ABCA8: variants seen among roughly 807,000 people sequenced by gnomAD.
The protein encoded by ABCA8 is ABC-type organic anion transporter ABCA8.
In ABCA8, 177 loss-of-function variants were observed where a neutral mutation model predicts 192.3. That is an observed-to-expected ratio of 0.92 (90% CI 0.81 to 1.04). The LOEUF is 1.04. Ranked by LOEUF, ABCA8 falls within the 50% of genes least tolerant of loss-of-function variation. ABCA8 has a pLI of 0.00. For missense variants in ABCA8, 1,915 were observed against 1,904.8 expected (o/e 1.01, Z -0.10); for synonymous variants, 642 against 690.2 (o/e 0.93, Z 1.09).
chr17:68,946,458 T>C (rs1207504405), intron 2 of ABCA8, among the ~76,000 whole-genome samples: 1 of 152,182 alleles, frequency 6.6e-6, no homozygotes. Flanking sequence ...CAATGGAATA[T>C]ATGCAGAAGA....
At chr17:68,906,586 T>G (rs1172691158) in intron 18 of ABCA8, among the ~76,000 whole-genome samples, 1 of 152,148 alleles carries the variant, frequency 6.6e-6, no homozygotes, top group African/African-American at 2.4e-5. Context: ...TTTTGAGAAT[T>G]AATTGGATGG....
chr17:68,946,659 C>A (rs1350205855), intron 2 of ABCA8, among the ~76,000 whole-genome samples: 1 of 152,114 alleles, frequency 6.6e-6, no homozygotes, highest in Admixed American at 6.6e-5. Flanking sequence ...ATTGTATTGG[C>A]CGGGCATGGT....
Position 68,918,341 on chromosome 17 carries a change from G to A in ABCA8, c.1908+86C>T, listed in dbSNP as rs1015650203. The stretch of plus-strand genomic sequence containing the variant: ...CTATTATGAATATTTTATAACACAT[G>A]TCCTTTGCGAATAAAATATTTGAAC... On this transcript the variant is annotated intron_variant, in intron 15 of 39. Coordinates refer to ENST00000586539, the MANE Select transcript of ABCA8 (RefSeq NM_001288985.2). 1.4e-4 allele frequency: 213 copies of A among 1,503,698 alleles called. 1 individual carries two copies. The highest frequency in any genetic ancestry group is 5.1e-4 in the Admixed American group (24 of 47,116). 93.1% of individuals were successfully genotyped at this position (1,503,698 alleles called of 1,614,324 possible).
At chr17:68,935,611 A>C (rs1481244715) in intron 5 of ABCA8, among the ~76,000 whole-genome samples, 2 of 135,572 alleles carry the variant, frequency 1.5e-5, no homozygotes, top group Non-Finnish European at 3.1e-5. Context: ...CACTTATGTT[A>C]ATTCTCTATC....
At position 68,891,525 on chromosome 17, in the gene ABCA8, T is replaced by A. The variant is rs772848610; in HGVS notation, c.3108A>T (p.Pro1036=). ...MFWLVLTSSC[P]PYIAMSSIDD... ...CGATGCTGCTCATGGCAATGTAAGGTGGGCAACTCGATGTTAAAACCAGCC... is the reference window on the plus strand; with the variant it reads ...CGATGCTGCTCATGGCAATGTAAGGAGGGCAACTCGATGTTAAAACCAGCC... The change falls in exon 24 of 40, where the codon CCA becomes CCT. Residue 1036 remains proline (P), a synonymous_variant. Transcript: ENST00000586539. 5.6e-6 allele frequency: 9 copies of A among 1,613,096 alleles called. No individual in the cohort carries two copies. The South Asian group carries it at 9.9e-5, about 18-fold the overall frequency.
chr17:68,935,639 T>C (rs1023906963), intron 5 of ABCA8, among the ~76,000 whole-genome samples: 4 of 149,388 alleles, frequency 2.7e-5, no homozygotes, highest in Non-Finnish European at 4.4e-5. Context: ...TTGTGAATAG[T>C]GCTGCAATAA....
intron 37 of ABCA8, among the ~76,000 whole-genome samples, chr17:68,870,409 G>A (rs1025110437): frequency 6.6e-6 from 1 of 152,198 alleles, no homozygotes; most frequent in African/African-American, 2.4e-5. Context: ...GGGTGATTCC[G>A]GCTGCAGGTT....
At chr17:68,912,005 C>T (rs2067237411) in intron 17 of ABCA8, among the ~76,000 whole-genome samples, 1 of 151,958 alleles carries the variant, frequency 6.6e-6, no homozygotes. Flanking sequence ...ACAAACAAGC[C>T]CAGACTGTGA....
At chr17:68,890,470 T>A (rs949545444) in intron 24 of ABCA8, among the ~76,000 whole-genome samples, 2 of 152,206 alleles carry the variant, frequency 1.3e-5, no homozygotes, top group African/African-American at 4.8e-5. Context: ...GTATAGTTAA[T>A]ATTTTTCTCC....
At position 68,949,773 on chromosome 17, in the gene ABCA8, A is replaced by T. The variant is rs146044977; in HGVS notation, c.-166-301T>A. Among the ~76,000 whole-genome samples, 340 of 152,338 alleles carry T rather than the reference A, an allele frequency of 2.2e-3. 2 individuals carry two copies. Among genetic ancestry groups the T allele is most frequent in the African/African-American group, 7.8e-3 (326 of 41,576 alleles). Reference sequence around the variant, plus strand: ...TCATGTTAAAACCTCTCAATAAACTAGGCATTGATGGAACATATCTCAAAA... The same window carrying T: ...TCATGTTAAAACCTCTCAATAAACTTGGCATTGATGGAACATATCTCAAAA... On this transcript the variant is annotated intron_variant, in intron 1 of 39. Coordinates refer to ENST00000586539, the MANE Select transcript of ABCA8 (RefSeq NM_001288985.2).
chr17:68,917,358 TA>T lies in ABCA8; in HGVS notation c.2138+2del, dbSNP rs1259674100. The T allele has an allele frequency of 6.2e-7, 1 of 1,603,698 alleles. No individual in the cohort carries two copies. The highest frequency in any genetic ancestry group is 1.3e-5 in the African/African-American group (1 of 74,620). The stretch of plus-strand genomic sequence containing the variant: ...TACTCCCAGCCTTCTTAAGTGACCT[TA>T]CCTTAAGTGATATCCAATCCCCCAT... On this transcript the variant is annotated splice_donor_variant, in intron 17 of 39. Coordinates refer to ENST00000586539, the MANE Select transcript of ABCA8 (RefSeq NM_001288985.2). LOFTEE classifies it high-confidence loss of function.
intron 17 of ABCA8, among the ~76,000 whole-genome samples, chr17:68,912,600 A>G (rs1352202123): frequency 6.6e-6 from 1 of 152,206 alleles, no homozygotes; most frequent in East Asian, 1.9e-4. Context: ...AGATATCTTT[A>G]TATTAGACAA....
chr17:68,887,934 G>GATATATATATATAT (rs1668580784), intron 24 of ABCA8, among the ~76,000 whole-genome samples: 1 of 57,736 alleles, frequency 1.7e-5, no homozygotes. Flanking sequence ...ATTATATATG[G>GATATATATATATAT]ATATATATAT....
intron 27 of ABCA8, 112 bp downstream of exon 27, chr17:68,885,084 T>G: frequency 7.8e-7 from 1 of 1,278,158 alleles, no homozygotes; most frequent in Non-Finnish European, 1.1e-6. Flanking sequence ...CAGGCAGAAA[T>G]CTTTGAACCC....
At chr17:68,908,296 C>T (rs1398882836) in intron 17 of ABCA8, among the ~76,000 whole-genome samples, 4 of 152,110 alleles carry the variant, frequency 2.6e-5, no homozygotes, top group Admixed American at 1.3e-4. Context: ...ATTGTTGTAT[C>T]GCTTCAAAGG....
intron 19 of ABCA8, among the ~76,000 whole-genome samples, chr17:68,904,040 C>T (rs1265905578): frequency 1.3e-5 from 2 of 151,860 alleles, no homozygotes; most frequent in Non-Finnish European, 2.9e-5. Flanking sequence ...AGCACACACC[C>T]GTAAATGTAT....
chr17:68,940,685 A>G (rs1188558527), intron 4 of ABCA8, 73 bp downstream of exon 4: 4 of 1,335,506 alleles, frequency 3.0e-6, no homozygotes, highest in Admixed American at 1.9e-5. Context: ...ATACAAATTA[A>G]ATGTATAAAT....
rs2066772886 is a variant in ABCA8 at position 68,896,793 on chromosome 17, A to C, written c.2765-1780T>G. 2.0e-5 allele frequency among the ~76,000 whole-genome samples: 3 copies of C among 152,190 alleles called. No individual in the cohort carries two copies. In the South Asian group the frequency reaches 6.2e-4, roughly 32 times the overall value. On this transcript the variant is annotated intron_variant, in intron 21 of 39. Coordinates refer to ENST00000586539, the MANE Select transcript of ABCA8 (RefSeq NM_001288985.2). ...GGTGAAAGTTATTGACTTAATAAGG[A>C]AACAATAAAAAAATTGTATGCTGAG...
At chr17:68,925,414 C>A (rs1159673877) in intron 10 of ABCA8, among the ~76,000 whole-genome samples, 1 of 152,116 alleles carries the variant, frequency 6.6e-6, no homozygotes, top group Non-Finnish European at 1.5e-5. Flanking sequence ...ATTTCATTCC[C>A]AAACCATAAT....
Sources: allele counts gnomAD v4.1 joint callset (sites outside exome capture counted in the v4.1 genomes callset), GRCh38; gene constraint gnomAD v4.1.1; transcripts MANE v1.5; gene names NCBI Gene and HGNC (gene_info 2026-07-23, HGNC 2026-07-21).